Variants in PARD3 observed in about 807,000 individuals in gnomAD.
PARD3 encodes par-3 family cell polarity regulator.
Under a neutral mutation model 155.4 loss-of-function variants are expected in PARD3, and 75 were observed. The ratio of observed to expected loss-of-function variants is 0.48; its 90% CI spans 0.40 to 0.58. PARD3 has a LOEUF of 0.58. Among genes scored for constraint, PARD3 ranks in the 20% least tolerant of loss-of-function variants. The pLI, the probability that PARD3 is intolerant of heterozygous loss-of-function variation, is 0.00. For synonymous variants in PARD3, 576 were observed against 610.5 expected, an observed-to-expected ratio of 0.94 and a Z score of 0.83; for missense variants, 1,642 against 1,721.7, an observed-to-expected ratio of 0.95 and a Z score of 0.82.
chr10:34,802,731 CAT>C (rs1296439197), intron 1 of PARD3, among the ~76,000 whole-genome samples: 2 of 152,080 alleles, frequency 1.3e-5, no homozygotes, highest in East Asian at 3.9e-4. Flanking sequence ...TGATTTCCCA[CAT>C]GTGGTGAAGT....
intron 2 of PARD3, among the ~76,000 whole-genome samples, chr10:34,630,955 C>T (rs2092243125): frequency 1.3e-5 from 2 of 152,020 alleles, no homozygotes; most frequent in African/African-American, 2.4e-5. Flanking sequence ...GCTGGGGCTA[C>T]AGGTGCATGC....
chr10:34,117,142 C>T (rs1946720317), intron 24 of PARD3, among the ~76,000 whole-genome samples: 1 of 152,238 alleles, frequency 6.6e-6, no homozygotes, highest in Non-Finnish European at 1.5e-5. Context: ...TCTCTCCCAC[C>T]TCCCTTTCTC....
chr10:34,272,089 C>A (rs2133867658), intron 21 of PARD3, among the ~76,000 whole-genome samples: 1 of 152,198 alleles, frequency 6.6e-6, no homozygotes, highest in East Asian at 1.9e-4. Flanking sequence ...ACCAATGGTG[C>A]AGGAGCCATG....
intron 7 of PARD3, among the ~76,000 whole-genome samples, chr10:34,393,435 G>C (rs976748848): frequency 6.6e-6 from 1 of 151,964 alleles, no homozygotes; most frequent in Non-Finnish European, 1.5e-5. Flanking sequence ...TAAAAAATTA[G>C]CCGGGCATGG....
intron 2 of PARD3, among the ~76,000 whole-genome samples, chr10:34,611,338 T>G (rs1039693616): frequency 6.6e-6 from 1 of 152,210 alleles, no homozygotes; most frequent in Non-Finnish European, 1.5e-5. Context: ...TATGACATTT[T>G]AGAAACATTT....
chr10:34,231,641 T>G (rs941518662), intron 22 of PARD3, among the ~76,000 whole-genome samples: 1 of 149,724 alleles, frequency 6.7e-6, no homozygotes, highest in African/African-American at 2.5e-5. Flanking sequence ...AATCTTCATC[T>G]TTTTTTTTTC....
At chr10:34,464,172 C>T (rs1186340451) in intron 4 of PARD3, among the ~76,000 whole-genome samples, 1 of 151,182 alleles carries the variant, frequency 6.6e-6, no homozygotes, top group Non-Finnish European at 1.5e-5. Flanking sequence ...TTTAAGGAAG[C>T]ACACAAATTT....
At chr10:34,537,214 G>A (rs2083287802) in intron 2 of PARD3, among the ~76,000 whole-genome samples, 1 of 152,084 alleles carries the variant, frequency 6.6e-6, no homozygotes, top group African/African-American at 2.4e-5. Flanking sequence ...TATTGCCTAG[G>A]CTGATCTCAA....
chr10:34,641,886 C>A (rs902280637), intron 2 of PARD3, among the ~76,000 whole-genome samples: 2 of 152,124 alleles, frequency 1.3e-5, no homozygotes, highest in Non-Finnish European at 2.9e-5. Flanking sequence ...GAGGAGGGCA[C>A]AAGGGTGGAG....
intron 22 of PARD3, among the ~76,000 whole-genome samples, chr10:34,160,152 G>T (rs1305620269): frequency 1.3e-5 from 2 of 152,196 alleles, no homozygotes; most frequent in African/African-American, 4.8e-5. Flanking sequence ...AATAATCAAT[G>T]CAGCAATGCA....
intron 1 of PARD3, among the ~76,000 whole-genome samples, chr10:34,807,119 GCA>G (rs1340604383): frequency 4.6e-5 from 7 of 152,170 alleles, no homozygotes; most frequent in Non-Finnish European, 1.0e-4. Context: ...GTAGGGGGTA[GCA>G]CACAGAGACC....
chr10:34,521,342 A>G (rs1022123451), intron 2 of PARD3, among the ~76,000 whole-genome samples: 1 of 149,806 alleles, frequency 6.7e-6, no homozygotes, highest in African/African-American at 2.5e-5. Context: ...TCTACTCTAT[A>G]AGAATGCATA....
intron 1 of PARD3, among the ~76,000 whole-genome samples, chr10:34,730,023 G>A (rs2094789380): frequency 6.6e-6 from 1 of 152,096 alleles, no homozygotes; most frequent in African/African-American, 2.4e-5. Context: ...CAGACCTAAA[G>A]AGCAATTCAT....
intron 12 of PARD3, among the ~76,000 whole-genome samples, chr10:34,371,505 A>C (rs376325291): frequency 0.11 from 10,842 of 97,912 alleles, 2,362 homozygotes; most frequent in African/African-American, 0.42. Flanking sequence ...AAAAAAAAAA[A>C]AAAAAAAAAA....
intron 1 of PARD3, among the ~76,000 whole-genome samples, chr10:34,713,295 G>C (rs1449245414): frequency 6.6e-6 from 1 of 151,084 alleles, no homozygotes; most frequent in Non-Finnish European, 1.5e-5. Context: ...TTTCTTCTTA[G>C]AACAGAAAAA....
chr10:34,416,096 G>A (rs1345737637), intron 5 of PARD3, among the ~76,000 whole-genome samples: 7 of 152,146 alleles, frequency 4.6e-5, no homozygotes, highest in Non-Finnish European at 2.9e-5. Context: ...CGAAGTCTAC[G>A]TGTATGTAGG....
chr10:34,782,423 C>G (rs547065833), intron 1 of PARD3, among the ~76,000 whole-genome samples: 117 of 152,350 alleles, frequency 7.7e-4, no homozygotes, highest in Middle Eastern at 3.4e-3. Flanking sequence ...TAGGGCACAT[C>G]AAACAACCTC....
intron 7 of PARD3, among the ~76,000 whole-genome samples, chr10:34,392,538 C>A (rs1032425938): frequency 2.6e-5 from 4 of 152,200 alleles, no homozygotes; most frequent in African/African-American, 9.6e-5. Context: ...AGAGTCCCTT[C>A]ATTTCCCTCA....
intron 22 of PARD3, among the ~76,000 whole-genome samples, chr10:34,196,613 G>C (rs1284357818): frequency 3.2e-5 from 4 of 124,034 alleles, no homozygotes; most frequent in African/African-American, 1.3e-4. Context: ...TCGCTCTGTC[G>C]CCCAGGCTGG....
Sources: allele counts gnomAD v4.1 joint callset (sites outside exome capture counted in the v4.1 genomes callset), GRCh38; gene constraint gnomAD v4.1.1; transcripts MANE v1.5; gene names NCBI Gene and HGNC (gene_info 2026-07-23, HGNC 2026-07-21).